Variants in MAPT observed in about 807,000 individuals in gnomAD.
MAPT encodes microtubule associated protein tau.
A neutral mutation model predicts 67.9 loss-of-function variants in MAPT; 34 were observed. That is an observed-to-expected ratio of 0.50 (90% CI 0.38 to 0.67). MAPT has a LOEUF of 0.67. MAPT is among the 30% of genes least tolerant of loss of function. MAPT has a pLI of 0.00. For synonymous variants in MAPT, 456 were observed against 464.5 expected (o/e 0.98, Z 0.23); for missense variants, 881 against 1,115.2 (o/e 0.79, Z 2.99).
rs2076692145 is a variant in MAPT, at chr17:46,024,030, G to A, written c.2361G>A (p.Lys787=). The change falls in exon 13 of 13, where the codon AAG becomes AAA. Residue 787 remains lysine (K), a synonymous_variant. Transcript: ENST00000262410. ...KTDHGAEIVY[K]SPVVSGDTSP... ...ACCACGGGGCGGAGATCGTGTACAA[G>A]TCGCCAGTGGTGTCTGGGGACACGT... 6.2e-7 allele frequency: 1 copy of A among 1,614,024 alleles called. No individual in the cohort carries two copies. The highest frequency in any genetic ancestry group is 8.5e-7 in the Non-Finnish European group (1 of 1,180,048).
chr17:45,953,016 A>ATGATGATGG (rs2069244410), intron 1 of MAPT, among the ~76,000 whole-genome samples: 1 of 151,732 alleles, frequency 6.6e-6, no homozygotes, highest in South Asian at 2.1e-4. Flanking sequence ...GATGATGATG[A>ATGATGATGG]TGATGATGAT....
chr17:45,969,612 A>G (rs2071437932), intron 2 of MAPT, among the ~76,000 whole-genome samples: 1 of 136,868 alleles, frequency 7.3e-6, no homozygotes, highest in Non-Finnish European at 1.7e-5. Context: ...CATCCATCCA[A>G]TCATATATCT....
chr17:46,006,896 C>A (rs2075469214), intron 9 of MAPT, among the ~76,000 whole-genome samples: 1 of 150,158 alleles, frequency 6.7e-6, no homozygotes, highest in Admixed American at 6.6e-5. Flanking sequence ...GCACTCCAGC[C>A]TGGGCGACAA....
Position 46,024,306 on chromosome 17 carries a change from A to C in MAPT, c.*135A>C. On this transcript the variant is annotated 3_prime_UTR_variant, in exon 13 of 13. Transcript: ENST00000262410. The stretch of plus-strand genomic sequence containing the variant: ...GTTCGGTTAATTGGTTAATCACTTA[A>C]CCTGCTTTTGTCACTCGGCTTTGGC... 1 of 811,472 alleles carries C rather than the reference A, an allele frequency of 1.2e-6. No individual in the cohort carries two copies. The highest frequency in any genetic ancestry group is 2.0e-6 in the Non-Finnish European group (1 of 488,804). 50.3% of individuals were successfully genotyped at this position (811,472 alleles called of 1,614,324 possible). A position where few individuals can be genotyped will look rare whatever the true frequency, so the allele number is the denominator to read the frequency against.
At chr17:45,933,974 A>G (rs2067102462) in intron 1 of MAPT, among the ~76,000 whole-genome samples, 1 of 152,030 alleles carries the variant, frequency 6.6e-6, no homozygotes, top group South Asian at 2.1e-4. Flanking sequence ...GAATGATATC[A>G]TCATCTCCAG....
intron 9 of MAPT, among the ~76,000 whole-genome samples, chr17:46,004,477 G>A (rs975617146): frequency 6.6e-6 from 1 of 152,172 alleles, no homozygotes; most frequent in South Asian, 2.1e-4. Context: ...GCAACACATC[G>A]TTCTCTCCCT....
At chr17:45,914,476 C>G (rs62056843) in intron 1 of MAPT, among the ~76,000 whole-genome samples, 1,793 of 152,298 alleles carry the variant, frequency 0.012, 22 homozygotes, top group Admixed American at 0.019. Context: ...GCGGGTGCCC[C>G]TCAGATCCTG....
At chr17:45,997,134 T>C (rs1339426654) in intron 9 of MAPT, among the ~76,000 whole-genome samples, 2 of 151,824 alleles carry the variant, frequency 1.3e-5, no homozygotes, top group East Asian at 3.9e-4. Flanking sequence ...AGATTGGGGG[T>C]TCTGTTTTGA....
In MAPT at chr17:46,023,234, G is replaced by T. The variant is rs141790183; in HGVS notation, c.2287-722G>T. On this transcript the variant is annotated intron_variant, in intron 12 of 12. Coordinates refer to ENST00000262410, the MANE Select transcript of MAPT (RefSeq NM_001377265.1). ...TTCTAGGACCCACTTACACGTGTGT[G>T]ACATGATGTTCATACGGGTTTATTT... 4.9e-3 allele frequency among the ~76,000 whole-genome samples: 744 copies of T among 152,336 alleles called. 8 individuals carry two copies. Among genetic ancestry groups the T allele is most frequent in the African/African-American group, 0.017 (714 of 41,556 alleles).
chr17:45,972,008 T>C lies in MAPT; in HGVS notation c.220+63T>C, dbSNP rs1022862183. The C allele has an allele frequency of 6.3e-6, 8 of 1,269,626 alleles. No individual in the cohort carries two copies. The East Asian group carries it at 1.9e-4, about 30-fold the overall frequency. 78.6% of individuals were successfully genotyped at this position (1,269,626 alleles called of 1,614,324 possible). The stretch of plus-strand genomic sequence containing the variant: ...CCTGTGCTTAGCCGTGCTTTGAGCC[T>C]CCCTCCTGGCTGCATCTGCTGCTCC... On this transcript the variant is annotated intron_variant, in intron 3 of 12. Coordinates refer to ENST00000262410, the MANE Select transcript of MAPT (RefSeq NM_001377265.1).
chr17:45,957,727 G>GA (rs577934370), intron 1 of MAPT, among the ~76,000 whole-genome samples: 3 of 152,072 alleles, frequency 2.0e-5, no homozygotes, highest in African/African-American at 4.8e-5. Flanking sequence ...TCAGAAACCA[G>GA]AAAAAAATGG....
In MAPT at chr17:45,982,850, T is replaced by C. The variant is rs2073109715; in HGVS notation, c.287-16T>C. 1.6e-6 allele frequency: 2 copies of C among 1,272,400 alleles called. No homozygotes were observed. The allele number at this position is 1,272,400 out of a possible 1,614,324, so 78.8% of individuals were successfully genotyped here. A position where few individuals can be genotyped will look rare whatever the true frequency, so the allele number is the denominator to read the frequency against. On this transcript the variant is annotated splice_polypyrimidine_tract_variant and intron_variant, in intron 4 of 12. Transcript: ENST00000262410. Reference sequence around the variant, plus strand: ...GCCCTTGCTAACCTTTTGCTATCGCTGCCTCTTCAAACCAGAGGAGTTGAG... The same window carrying C: ...GCCCTTGCTAACCTTTTGCTATCGCCGCCTCTTCAAACCAGAGGAGTTGAG...
At chr17:45,966,704 T>G (rs1238518424) in intron 2 of MAPT, among the ~76,000 whole-genome samples, 2 of 152,250 alleles carry the variant, frequency 1.3e-5, no homozygotes, top group Non-Finnish European at 2.9e-5. Context: ...AGTTAGTGTT[T>G]GAGTTGCCTA....
At chr17:46,011,187 A>G (rs2075797871) in intron 10 of MAPT, among the ~76,000 whole-genome samples, 1 of 152,136 alleles carries the variant, frequency 6.6e-6, no homozygotes, top group Admixed American at 6.6e-5. Flanking sequence ...GCTTGAGCCC[A>G]GGAGTTCAAG....
At chr17:45,944,599 A>G (rs1251891554) in intron 1 of MAPT, among the ~76,000 whole-genome samples, 1 of 152,190 alleles carries the variant, frequency 6.6e-6, no homozygotes, top group African/African-American at 2.4e-5. Flanking sequence ...GGGTCGGGGT[A>G]CAGGGTAGAG....
intron 8 of MAPT, chr17:45,993,886 T>C: frequency 1.3e-6 from 2 of 1,551,592 alleles, no homozygotes; most frequent in Non-Finnish European, 1.7e-6. Flanking sequence ...TGTTTAAGCC[T>C]GATGATAATA....
intron 1 of MAPT, among the ~76,000 whole-genome samples, chr17:45,947,987 G>A (rs1325051678): frequency 6.8e-6 from 1 of 147,732 alleles, no homozygotes; most frequent in African/African-American, 2.4e-5. Flanking sequence ...TTAATGACTA[G>A]GTTTTTTTGT....
chr17:46,019,492 A>T (rs942353350), intron 12 of MAPT, among the ~76,000 whole-genome samples: 1 of 152,000 alleles, frequency 6.6e-6, no homozygotes, highest in African/African-American at 2.4e-5. Flanking sequence ...TCAGCCTCCC[A>T]GGTAGCTGGA....
chr17:45,916,091 G>T (rs1358595504), intron 1 of MAPT, among the ~76,000 whole-genome samples: 1 of 152,138 alleles, frequency 6.6e-6, no homozygotes, highest in Non-Finnish European at 1.5e-5. Context: ...CAGAATTCCC[G>T]CTTTTCAGCT....
Sources: allele counts gnomAD v4.1 joint callset (sites outside exome capture counted in the v4.1 genomes callset), GRCh38; gene constraint gnomAD v4.1.1; transcripts MANE v1.5; gene names NCBI Gene and HGNC (gene_info 2026-07-23, HGNC 2026-07-21).